Variants in KYNU observed in about 807,000 individuals in gnomAD.
The protein encoded by KYNU is kynureninase, also known as L-kynurenine hydrolase.
Under a neutral mutation model 59.2 loss-of-function variants are expected in KYNU, and 54 were observed. That is an observed-to-expected ratio of 0.91 (90% CI 0.73 to 1.14). KYNU has a LOEUF of 1.14. Ranked by LOEUF, KYNU falls within the 50% of genes most tolerant of loss-of-function variation. KYNU has a pLI of 0.00. For missense variants in KYNU, 567 were observed against 554.4 expected (o/e 1.02, Z -0.23); for synonymous variants, 177 against 192.0 (o/e 0.92, Z 0.65).
chr2:143,025,888 AT>A (rs1248468272), intron 10 of KYNU, among the ~76,000 whole-genome samples: 2 of 152,232 alleles, frequency 1.3e-5, no homozygotes, highest in African/African-American at 4.8e-5. Flanking sequence ...TTAGAACTGT[AT>A]GATATTTTTA....
At chr2:142,904,999 G>A (rs547885254) in intron 2 of KYNU, among the ~76,000 whole-genome samples, 1 of 152,090 alleles carries the variant, frequency 6.6e-6, no homozygotes, top group African/African-American at 2.4e-5. Flanking sequence ...ATAACAACCT[G>A]GCTGCCCATC....
At chr2:142,920,492 A>G (rs1682840654) in intron 3 of KYNU, among the ~76,000 whole-genome samples, 1 of 152,198 alleles carries the variant, frequency 6.6e-6, no homozygotes, top group Non-Finnish European at 1.5e-5. Context: ...TTCTATTCAT[A>G]TCCTTATGGT....
At position 143,045,917 on chromosome 2, in the gene KYNU, A is replaced by G. The variant is rs996221658; in HGVS notation, c.*3745A>G. On this transcript the variant is annotated 3_prime_UTR_variant, in exon 14 of 14. Transcript: ENST00000264170. ...AACTTGTAAGCAGAGAAGTAAATCT[A>G]TAATGACAAATCATAATTTCTGAAG... The G allele has an allele frequency of 6.6e-6, 1 of 152,196 alleles. No homozygotes were observed. The highest frequency in any genetic ancestry group is 1.5e-5 in the Non-Finnish European group (1 of 68,020). 9.4% of individuals were successfully genotyped at this position (152,196 alleles called of 1,614,324 possible). A position where few individuals can be genotyped will look rare whatever the true frequency, so the allele number is the denominator to read the frequency against.
intron 10 of KYNU, among the ~76,000 whole-genome samples, chr2:143,006,624 C>T: frequency 6.8e-6 from 1 of 146,336 alleles, no homozygotes; most frequent in South Asian, 2.4e-4. Context: ...AACAAAAAGA[C>T]AGCAGTAACC....
intron 7 of KYNU, among the ~76,000 whole-genome samples, chr2:142,959,872 A>G (rs978575033): frequency 1.3e-5 from 2 of 152,174 alleles, no homozygotes; most frequent in Non-Finnish European, 2.9e-5. Flanking sequence ...GATATTGGCT[A>G]GGTAAAACTC....
chr2:143,045,970 G>T lies in KYNU; in HGVS notation c.*3798G>T, dbSNP rs543693180. 6.6e-6 allele frequency: 1 copy of T among 152,102 alleles called. No homozygotes were observed. The highest frequency in any genetic ancestry group is 1.5e-5 in the Non-Finnish European group (1 of 68,026). The allele number at this position is 152,102 out of a possible 1,614,324, so 9.4% of individuals were successfully genotyped here. Reference sequence around the variant, plus strand: ...TATTAATTAGATGTTTGAGTGAGGGGAAATATTGGAAGGTGCTCATAAGTT... The same window carrying T: ...TATTAATTAGATGTTTGAGTGAGGGTAAATATTGGAAGGTGCTCATAAGTT... On this transcript the variant is annotated 3_prime_UTR_variant, in exon 14 of 14. Coordinates refer to ENST00000264170, the MANE Select transcript of KYNU (RefSeq NM_003937.3).
intron 4 of KYNU, among the ~76,000 whole-genome samples, chr2:142,935,409 G>A (rs1683355112): frequency 6.6e-6 from 1 of 152,174 alleles, no homozygotes; most frequent in African/African-American, 2.4e-5. Flanking sequence ...ATACCAGTGG[G>A]GGTCCTGATT....
In KYNU at chr2:143,030,652, G is replaced by GATT. The variant is rs530747327; in HGVS notation, c.955+973_955+974insATT. Among the ~76,000 whole-genome samples the GATT allele has an allele frequency of 3.8e-3, 438 of 115,038 alleles. 4 individuals carry two copies. The highest frequency in any genetic ancestry group is 5.9e-3 in the Non-Finnish European group (301 of 50,998). 75.5% of individuals were successfully genotyped at this position (115,038 alleles called of 152,430 possible). On this transcript the variant is annotated intron_variant, in intron 11 of 13. Coordinates refer to ENST00000264170, the MANE Select transcript of KYNU (RefSeq NM_003937.3). The stretch of plus-strand genomic sequence containing the variant: ...ACCATGACTGGATGATGATGATGAT[G>GATT]CTGATTATTATTATTATTATTTAGT...
chr2:142,900,424 G>A (rs781092382), intron 2 of KYNU, among the ~76,000 whole-genome samples: 60 of 152,270 alleles, frequency 3.9e-4, no homozygotes, highest in African/African-American at 1.4e-3. Context: ...CCCAAAGAGG[G>A]TAGCCATTGC....
chr2:142,948,860 C>G (rs1011657671), intron 4 of KYNU, among the ~76,000 whole-genome samples: 1 of 152,204 alleles, frequency 6.6e-6, no homozygotes, highest in Admixed American at 6.5e-5. Context: ...AGCATTAACT[C>G]AAAAGTCCAC....
At position 143,024,902 on chromosome 2, in the gene KYNU, A is replaced by C. The variant is rs113468223; in HGVS notation, c.903-4725A>C. Among the ~76,000 whole-genome samples, 356 of 152,104 alleles carry C rather than the reference A, an allele frequency of 2.3e-3. 4 individuals are homozygous for C. Among genetic ancestry groups the C allele is most frequent in the African/African-American group, 8.4e-3 (347 of 41,532 alleles). ...TAGAACTTATTTATCTGCTTACTAA[A>C]TTTGTCATTTTCTCTCTAAACTATT... On this transcript the variant is annotated intron_variant, in intron 10 of 13. Coordinates refer to ENST00000264170, the MANE Select transcript of KYNU (RefSeq NM_003937.3).
chr2:142,932,731 G>T (rs1302114450), intron 4 of KYNU, among the ~76,000 whole-genome samples: 1 of 127,382 alleles, frequency 7.9e-6, no homozygotes, highest in African/African-American at 2.9e-5. Flanking sequence ...GTGCCTAGGG[G>T]CAGTGGATTG....
intron 8 of KYNU, among the ~76,000 whole-genome samples, chr2:142,983,223 T>G (rs1489664800): frequency 6.6e-6 from 1 of 152,088 alleles, no homozygotes; most frequent in Non-Finnish European, 1.5e-5. Context: ...AGGATGATTA[T>G]GCTCCACATT....
At chr2:142,918,550 AT>A in intron 2 of KYNU, 58 bp from the exon 3 acceptor site, 1 of 1,464,044 alleles carries the variant, frequency 6.8e-7, no homozygotes, top group Non-Finnish European at 9.2e-7. Context: ...TGGCTTAACA[AT>A]ACCATACTGA....
chr2:142,968,561 T>C (rs1020250431), intron 8 of KYNU, among the ~76,000 whole-genome samples: 3 of 152,100 alleles, frequency 2.0e-5, no homozygotes, highest in African/African-American at 4.8e-5. Context: ...TGAGAATAGA[T>C]TGGAATGAAA....
At chr2:143,018,317 A>G (rs558310615) in intron 10 of KYNU, among the ~76,000 whole-genome samples, 1 of 152,300 alleles carries the variant, frequency 6.6e-6, no homozygotes, top group East Asian at 1.9e-4. Context: ...TAATTTTTCT[A>G]TATGGTAAAA....
At chr2:143,007,337 T>C (rs908590936) in intron 10 of KYNU, among the ~76,000 whole-genome samples, 10 of 149,966 alleles carry the variant, frequency 6.7e-5, no homozygotes, top group Admixed American at 4.0e-4. Context: ...TGAAATGAAA[T>C]GAGAAGGGAA....
intron 8 of KYNU, among the ~76,000 whole-genome samples, chr2:142,984,477 G>C (rs897073872): frequency 1.3e-4 from 20 of 152,004 alleles, no homozygotes; most frequent in Non-Finnish European, 7.4e-5. Flanking sequence ...AATCGTCATT[G>C]TTTGTCAGTT....
intron 3 of KYNU, 97 bp from the exon 4 acceptor site, chr2:142,927,548 ACACATAGAAAGGTC>A: frequency 1.3e-6 from 1 of 767,206 alleles, no homozygotes; most frequent in Non-Finnish European, 2.3e-6. Context: ...ATAATTACTA[ACACATAGAAAGGTC>A]CACATAGAAA....
Sources: allele counts gnomAD v4.1 joint callset (sites outside exome capture counted in the v4.1 genomes callset), GRCh38; gene constraint gnomAD v4.1.1; transcripts MANE v1.5; gene names NCBI Gene and HGNC (gene_info 2026-07-23, HGNC 2026-07-21).